SLC16A1: variants seen among roughly 807,000 people sequenced by gnomAD.
SLC16A1 encodes the protein monocarboxylate transporter 1.
SLC16A1 carries 11 observed loss-of-function variants against 32.2 expected under a neutral mutation model. The ratio of observed to expected loss-of-function variants is 0.34; its 90% CI spans 0.21 to 0.56. SLC16A1 has a LOEUF of 0.56. Among genes scored for constraint, SLC16A1 ranks in the 20% least tolerant of loss-of-function variants. SLC16A1 has a pLI of 0.87. For missense variants in SLC16A1, 435 were observed against 615.0 expected (o/e 0.71, Z 3.10); for synonymous variants, 231 against 226.8 (o/e 1.02, Z -0.17).
At chr1:112,930,512 A>G (rs1226000291) in intron 1 of SLC16A1, among the ~76,000 whole-genome samples, 1 of 152,184 alleles carries the variant, frequency 6.6e-6, no homozygotes, top group Non-Finnish European at 1.5e-5. Context: ...CATTATCAGA[A>G]AAAGCTTTAG....
intron 1 of SLC16A1, among the ~76,000 whole-genome samples, chr1:112,931,644 CAAAAAAAAAA>C (rs561013159): frequency 6.4e-5 from 4 of 62,028 alleles, no homozygotes; most frequent in Non-Finnish European, 9.3e-5. Flanking sequence ...TACTCTGTCT[CAAAAAAAAAA>C]AAAAAAAAAA....
chr1:112,941,116 T>G (rs904676416), intron 1 of SLC16A1, among the ~76,000 whole-genome samples: 7 of 152,100 alleles, frequency 4.6e-5, no homozygotes, highest in African/African-American at 1.7e-4. Context: ...ATGGGTTCAA[T>G]TGTACTCCAA....
intron 4 of SLC16A1, among the ~76,000 whole-genome samples, chr1:112,916,123 T>C (rs953866219): frequency 1.3e-5 from 2 of 151,978 alleles, no homozygotes; most frequent in African/African-American, 2.4e-5. Context: ...TCTGGTACAC[T>C]GTGAGCTTAC....
intron 1 of SLC16A1, among the ~76,000 whole-genome samples, chr1:112,941,927 C>T (rs934172335): frequency 6.6e-6 from 1 of 152,096 alleles, no homozygotes; most frequent in Non-Finnish European, 1.5e-5. Context: ...CCCTTAATTT[C>T]CAGCCTTTCT....
intron 1 of SLC16A1, among the ~76,000 whole-genome samples, chr1:112,947,310 A>G (rs1184849641): frequency 6.6e-6 from 1 of 152,220 alleles, no homozygotes; most frequent in African/African-American, 2.4e-5. Context: ...GTTACAAATA[A>G]GTGAGTTGTC....
chr1:112,916,894 A>C (rs966131922), intron 4 of SLC16A1, among the ~76,000 whole-genome samples: 1 of 152,130 alleles, frequency 6.6e-6, no homozygotes, highest in Non-Finnish European at 1.5e-5. Flanking sequence ...GTGCCACTGC[A>C]CTCCAGCCTG....
chr1:112,929,006 A>AT, intron 2 of SLC16A1, 86 bp downstream of exon 2: 2 of 861,870 alleles, frequency 2.3e-6, no homozygotes, highest in South Asian at 1.5e-5. Flanking sequence ...ACTGAATAAG[A>AT]CTTTTTTTTT....
intron 2 of SLC16A1, among the ~76,000 whole-genome samples, chr1:112,925,708 A>G (rs1394133283): frequency 6.6e-6 from 1 of 152,180 alleles, no homozygotes; most frequent in African/African-American, 2.4e-5. Flanking sequence ...AAATAGGTAT[A>G]ATCTGTAATT....
At chr1:112,933,892 TA>T (rs1010175758) in intron 1 of SLC16A1, among the ~76,000 whole-genome samples, 1 of 152,126 alleles carries the variant, frequency 6.6e-6, no homozygotes, top group African/African-American at 2.4e-5. Context: ...AGGATTTATA[TA>T]AAAAATTCTC....
intron 1 of SLC16A1, among the ~76,000 whole-genome samples, chr1:112,945,548 G>C (rs1344740561): frequency 6.6e-6 from 1 of 151,658 alleles, no homozygotes; most frequent in East Asian, 2.0e-4. Context: ...GGTGGCGGGT[G>C]CCTGTAATCC....
At chr1:112,944,548 T>G (rs765847696) in intron 1 of SLC16A1, among the ~76,000 whole-genome samples, 7 of 152,204 alleles carry the variant, frequency 4.6e-5, no homozygotes, top group Non-Finnish European at 1.0e-4. Context: ...AAAATAAAAT[T>G]TACCTGTCAT....
chr1:112,924,160 T>C (rs1473978921), intron 2 of SLC16A1: 5 of 1,461,474 alleles, frequency 3.4e-6, no homozygotes, highest in South Asian at 3.4e-5. Context: ...CTCTGGTGGA[T>C]GTACCACCAC....
intron 1 of SLC16A1, among the ~76,000 whole-genome samples, chr1:112,939,663 G>T (rs1394619075): frequency 6.6e-6 from 1 of 152,046 alleles, no homozygotes; most frequent in Non-Finnish European, 1.5e-5. Context: ...GTGCCACCAT[G>T]CCGGCCTAAT....
chr1:112,922,219 C>T, intron 2 of SLC16A1, 86 bp from the exon 3 acceptor site: 1 of 1,300,708 alleles, frequency 7.7e-7, no homozygotes, highest in South Asian at 1.2e-5. Context: ...ATGACAAATC[C>T]TCCAAAATAA....
At chr1:112,931,887 T>C (rs945484590) in intron 1 of SLC16A1, among the ~76,000 whole-genome samples, 1 of 152,118 alleles carries the variant, frequency 6.6e-6, no homozygotes, top group Non-Finnish European at 1.5e-5. Context: ...ACTTATCCTG[T>C]ATGTTAGCAG....
At chr1:112,940,039 A>ATTTT (rs55864843) in intron 1 of SLC16A1, among the ~76,000 whole-genome samples, 5 of 108,614 alleles carry the variant, frequency 4.6e-5, no homozygotes, top group African/African-American at 1.6e-4. Context: ...CTGATGGGTG[A>ATTTT]TTTTTTTTTT....
At chr1:112,937,819 A>G (rs973860327) in intron 1 of SLC16A1, among the ~76,000 whole-genome samples, 1 of 152,218 alleles carries the variant, frequency 6.6e-6, no homozygotes, top group Non-Finnish European at 1.5e-5. Flanking sequence ...GGAGACTAAA[A>G]AACAAAGTGA....
At chr1:112,936,199 T>C (rs1484790051) in intron 1 of SLC16A1, among the ~76,000 whole-genome samples, 1 of 130,130 alleles carries the variant, frequency 7.7e-6, no homozygotes, top group African/African-American at 3.3e-5. Flanking sequence ...CTCATTTTTA[T>C]AATAATAATT....
chr1:112,940,332 G>C (rs746325336), intron 1 of SLC16A1, among the ~76,000 whole-genome samples: 1 of 152,050 alleles, frequency 6.6e-6, no homozygotes, highest in Non-Finnish European at 1.5e-5. Flanking sequence ...CATCAGTCAC[G>C]GCCCGGCTGA....
Sources: allele counts gnomAD v4.1 joint callset (sites outside exome capture counted in the v4.1 genomes callset), GRCh38; gene constraint gnomAD v4.1.1; transcripts MANE v1.5; gene names NCBI Gene and HGNC (gene_info 2026-07-23, HGNC 2026-07-21).